The following CACNA1I variants were observed in gnomAD, a reference collection of about 807,000 sequenced individuals.
The protein encoded by CACNA1I is calcium voltage-gated channel subunit alpha1 I.
In CACNA1I, 74 loss-of-function variants were observed where a neutral mutation model predicts 201.6. That is an observed-to-expected ratio of 0.37 (90% CI 0.30 to 0.45). CACNA1I has a LOEUF of 0.45. Ranked by LOEUF, CACNA1I falls within the 20% of genes least tolerant of loss-of-function variation. The probability of loss-of-function intolerance (pLI) is 1.00; values close to 1 mark genes in which losing one functional copy is unlikely to be tolerated. For synonymous variants in CACNA1I, 1,431 were observed against 1,345.2 expected, an observed-to-expected ratio of 1.06 and a Z score of -1.40; for missense variants, 2,346 against 3,138.1, an observed-to-expected ratio of 0.75 and a Z score of 6.03.
intron 23 of CACNA1I, among the ~76,000 whole-genome samples, chr22:39,667,416 G>A (rs1935231501): frequency 6.6e-6 from 1 of 152,172 alleles, no homozygotes; most frequent in East Asian, 1.9e-4. Flanking sequence ...AGGGGGGTGA[G>A]ACCACCTCTG....
intron 23 of CACNA1I, 120 bp from the exon 24 acceptor site, chr22:39,668,172 G>A (rs910903763): frequency 2.1e-5 from 14 of 657,118 alleles, no homozygotes; most frequent in Non-Finnish European, 3.3e-5. Context: ...GCCACACAGA[G>A]AAGACCTCTT....
At chr22:39,664,537 C>T (rs1935122320) in intron 20 of CACNA1I, among the ~76,000 whole-genome samples, 1 of 152,138 alleles carries the variant, frequency 6.6e-6, no homozygotes, top group African/African-American at 2.4e-5. Context: ...GGCCCTGACC[C>T]TGCCCTGTCC....
intron 4 of CACNA1I, among the ~76,000 whole-genome samples, chr22:39,630,492 A>G (rs1934029509): frequency 6.6e-6 from 1 of 151,972 alleles, no homozygotes; most frequent in Non-Finnish European, 1.5e-5. Flanking sequence ...GGCTCCATTC[A>G]CTCGCCCACC....
chr22:39,632,903 T>C (rs767330504), intron 4 of CACNA1I, among the ~76,000 whole-genome samples: 2 of 151,484 alleles, frequency 1.3e-5, no homozygotes, highest in Non-Finnish European at 2.9e-5. Flanking sequence ...CTGCTCTCGG[T>C]GGGGTGAAGC....
In CACNA1I at chr22:39,634,417, G is replaced by A. The variant is rs1934150522; in HGVS notation, c.581-148G>A. On this transcript the variant is annotated intron_variant, in intron 4 of 36. Transcript: ENST00000402142. ...CAGATAAAAAGGAGAGGGTGTATCT[G>A]GCAGCCACTGAACAGGATGGGAACA... The A allele has an allele frequency of 6.6e-6, 5 of 760,818 alleles. 1 individual carries two copies. The South Asian group carries it at 7.9e-5, about 12-fold the overall frequency. 47.1% of individuals were successfully genotyped at this position (760,818 alleles called of 1,614,324 possible). A position where few individuals can be genotyped will look rare whatever the true frequency, so the allele number is the denominator to read the frequency against.
In CACNA1I at chr22:39,686,204, C is replaced by T; in HGVS notation, c.6471C>T (p.Ser2157=). 7.9e-7 allele frequency: 1 copy of T among 1,263,774 alleles called. No individual in the cohort carries two copies. The highest frequency in any genetic ancestry group is 2.8e-5 in the South Asian group (1 of 35,794). The allele number at this position is 1,263,774 out of a possible 1,614,324, so 78.3% of individuals were successfully genotyped here. The change falls in exon 37 of 37, where the codon AGC becomes AGT. Residue 2157 remains serine (S), a synonymous_variant. Transcript: ENST00000402142. ...LTPARKFSST[S]SLAAPGRPHA... is the part of the protein sequence containing the mutation. ...CCGCCAGGAAGTTCAGCAGCACCAG[C>T]AGCCTGGCCGCCCCCGGCCGCCCCC...
chr22:39,608,280 G>C (rs990010433), intron 3 of CACNA1I, among the ~76,000 whole-genome samples: 8 of 152,108 alleles, frequency 5.3e-5, no homozygotes, highest in Non-Finnish European at 1.0e-4. Flanking sequence ...TCCAGCCTGG[G>C]AGACAGAGTC....
At chr22:39,681,824 G>C (rs920272193) in intron 34 of CACNA1I, among the ~76,000 whole-genome samples, 2 of 152,166 alleles carry the variant, frequency 1.3e-5, no homozygotes, top group Non-Finnish European at 2.9e-5. Flanking sequence ...TGTGGGGCCA[G>C]TTCCTCCTGT....
intron 7 of CACNA1I, among the ~76,000 whole-genome samples, chr22:39,645,611 C>T (rs1258761336): frequency 1.3e-5 from 2 of 152,192 alleles, no homozygotes; most frequent in Non-Finnish European, 2.9e-5. Context: ...CAGCAACCCT[C>T]CCAGACTCTA....
Position 39,684,136 on chromosome 22 carries a change from G to C in CACNA1I, c.5831-166G>C, listed in dbSNP as rs556923342. 4.1e-4 allele frequency among the ~76,000 whole-genome samples: 63 copies of C among 152,284 alleles called. No homozygotes were observed. The highest frequency in any genetic ancestry group is 2.9e-5 in the Non-Finnish European group (2 of 68,016). The stretch of plus-strand genomic sequence containing the variant: ...GATTTCTCTCTTGCTCTCACAATGG[G>C]GAAACGAAGGCTTAGAGAGGGGGGA... On this transcript the variant is annotated intron_variant, in intron 35 of 36. Transcript: ENST00000402142. This position sits in a 1 kb window ranked among gnomAD's most constrained non-coding sequence, Gnocchi z 4.6.
rs1934509534 is a variant in CACNA1I, at chr22:39,646,868, G to A, written c.1449G>A (p.Glu483=). The change falls in exon 8 of 37, where the codon GAG becomes GAA. Residue 483 remains glutamate, a synonymous_variant. Coordinates refer to ENST00000402142, the MANE Select transcript of CACNA1I (RefSeq NM_021096.4). ...APAKPGPHAK[E]PRHYHGKTKG... The stretch of plus-strand genomic sequence containing the variant: ...CCAAACCTGGGCCCCACGCCAAGGA[G>A]CCCCGGCACTACCGTAAGTGGCCCT... 6 of 1,506,002 alleles carry A rather than the reference G, an allele frequency of 4.0e-6. No homozygotes were observed. Among genetic ancestry groups the A allele is most frequent in the Non-Finnish European group, 4.4e-6 (5 of 1,130,114 alleles). The allele number at this position is 1,506,002 out of a possible 1,614,324, so 93.3% of individuals were successfully genotyped here. A position where few individuals can be genotyped will look rare whatever the true frequency, so the allele number is the denominator to read the frequency against.
intron 34 of CACNA1I, 26 bp downstream of exon 34, chr22:39,681,078 C>A (rs2146480743): frequency 6.3e-7 from 1 of 1,595,514 alleles, no homozygotes; most frequent in Non-Finnish European, 8.5e-7. Context: ...GACTCCTGAG[C>A]AGGCGGGTCT....
rs774906344 is a variant in CACNA1I at position 39,659,862 on chromosome 22, G to T, written c.2604+10G>T. Reference sequence around the variant, plus strand: ...GGGCTTCCAGGCGGAGGTGACTGTGGTCTTGGCAGAGGAAGCACCCCCACA... The same window carrying T: ...GGGCTTCCAGGCGGAGGTGACTGTGTTCTTGGCAGAGGAAGCACCCCCACA... On this transcript the variant is annotated intron_variant, in intron 14 of 36. Transcript: ENST00000402142. The surrounding 1 kb of genome is among the most constrained non-coding windows in gnomAD (Gnocchi z 4.3). The T allele has an allele frequency of 2.5e-6, 4 of 1,613,520 alleles. No homozygotes were observed. Among genetic ancestry groups the T allele is most frequent in the Non-Finnish European group, 2.5e-6 (3 of 1,179,784 alleles).
chr22:39,614,709 A>G (rs1365475021), intron 3 of CACNA1I, among the ~76,000 whole-genome samples: 1 of 152,222 alleles, frequency 6.6e-6, no homozygotes, highest in African/African-American at 2.4e-5. Context: ...GCCAGGAGCC[A>G]GGGAGGGAGG....
At chr22:39,624,775 A>G (rs568313156) in intron 4 of CACNA1I, among the ~76,000 whole-genome samples, 1 of 152,318 alleles carries the variant, frequency 6.6e-6, no homozygotes, top group Admixed American at 6.5e-5. Flanking sequence ...GGGGTGGCTC[A>G]GGCTCTCAGA....
chr22:39,664,721 G>C lies in CACNA1I; in HGVS notation c.3667-18G>C. ...CCCCTCCCGCGGCAGCCTGACCCCG[G>C]CCCCACCCCCGCCCCAGGTAGTCTC... On this transcript the variant is annotated intron_variant, in intron 20 of 36. Transcript: ENST00000402142. 6.7e-6 allele frequency: 8 copies of C among 1,186,988 alleles called. No individual in the cohort carries two copies. Among genetic ancestry groups the C allele is most frequent in the African/African-American group, 1.6e-5 (1 of 61,624 alleles). The allele number at this position is 1,186,988 out of a possible 1,614,324, so 73.5% of individuals were successfully genotyped here.
At chr22:39,578,315 C>A (rs1932428178) in intron 1 of CACNA1I, among the ~76,000 whole-genome samples, 1 of 152,266 alleles carries the variant, frequency 6.6e-6, no homozygotes, top group South Asian at 2.1e-4. Flanking sequence ...GGATAAAGGC[C>A]TCTGGGACTC....
Position 39,670,221 on chromosome 22 carries a change from A to C in CACNA1I, c.4378A>C (p.Lys1460Gln), listed in dbSNP as rs1171478120. The part of the protein sequence containing the change: ...EEKRLRRLEK[K>Q]RRKAQRLPYY... ...GAAGCGGCTGCGGCGCCTGGAGAAG[A>C]AGCGCCGGAGTGAGTGGGTGCCTGT... is the stretch of plus-strand genomic sequence containing the variant. Residue 1460 changes from lysine to glutamine, a missense_variant, in exon 25 of 37, where the codon AAG becomes CAG. Lys to Gln is a moderately conservative substitution (Grantham distance 53). Coordinates refer to ENST00000402142, the MANE Select transcript of CACNA1I (RefSeq NM_021096.4). 5.0e-6 allele frequency: 8 copies of C among 1,612,252 alleles called. No homozygotes were observed. The highest frequency in any genetic ancestry group is 4.2e-6 in the Non-Finnish European group (5 of 1,179,802).
intron 4 of CACNA1I, among the ~76,000 whole-genome samples, chr22:39,619,961 GTCCATCCATCCA>G (rs71739421): frequency 1.5e-5 from 2 of 129,732 alleles, no homozygotes; most frequent in African/African-American, 3.0e-5. Flanking sequence ...CCGTCCGTCC[GTCCATCCATCCA>G]TCCATCCATC....
Sources: gnomAD v4.1 joint callset for allele counts (sites outside exome capture counted in the v4.1 genomes callset) on GRCh38, gnomAD v4.1.1 for gene constraint, Gnocchi (gnomAD v3.1) non-coding constraint, MANE v1.5 for transcripts, NCBI Gene and HGNC (gene_info 2026-07-23, HGNC 2026-07-21) for gene names.